The following DRD3 variants were observed in gnomAD, a reference collection of about 807,000 sequenced individuals.
The protein encoded by DRD3 is D(3) dopamine receptor.
DRD3 carries 19 observed loss-of-function variants against 36.3 expected under a neutral mutation model. The ratio of observed to expected loss-of-function variants is 0.52; its 90% CI spans 0.36 to 0.77. DRD3 has a LOEUF of 0.77. DRD3 is among the 30% of genes least tolerant of loss of function. The pLI is 0.00. For missense variants in DRD3, 465 were observed against 505.3 expected, an observed-to-expected ratio of 0.92 and a Z score of 0.77; for synonymous variants, 195 against 203.7, an observed-to-expected ratio of 0.96 and a Z score of 0.36.
At chr3:114,177,087 T>C (rs2077907193) in intron 1 of DRD3, among the ~76,000 whole-genome samples, 1 of 152,174 alleles carries the variant, frequency 6.6e-6, no homozygotes, top group African/African-American at 2.4e-5. Flanking sequence ...GGCAGACAAA[T>C]GTGAAATGGG....
At chr3:114,177,564 G>A (rs767757531) in intron 1 of DRD3, among the ~76,000 whole-genome samples, 6 of 152,118 alleles carry the variant, frequency 3.9e-5, no homozygotes, top group African/African-American at 7.2e-5. Flanking sequence ...AAACTTCAAT[G>A]CATTAGAAAT....
chr3:114,134,215 T>A (rs999688750), intron 5 of DRD3, among the ~76,000 whole-genome samples: 1 of 152,150 alleles, frequency 6.6e-6, no homozygotes, highest in African/African-American at 2.4e-5. Context: ...ATACTCAGAA[T>A]GAATGAATGA....
At chr3:114,196,866 T>A (rs2078037792) in intron 1 of DRD3, among the ~76,000 whole-genome samples, 1 of 152,182 alleles carries the variant, frequency 6.6e-6, no homozygotes, top group African/African-American at 2.4e-5. Flanking sequence ...CCATTATACG[T>A]TCTAAATACA....
chr3:114,142,710 G>T (rs1249407908), intron 4 of DRD3, among the ~76,000 whole-genome samples: 1 of 150,252 alleles, frequency 6.7e-6, no homozygotes, highest in Admixed American at 6.8e-5. Flanking sequence ...TGTTTTATGT[G>T]CAAGCATTTA....
In DRD3 at chr3:114,128,810, C is replaced by T. The variant is rs1577574797; in HGVS notation, c.1109G>A (p.Trp370Ter). ...VSPELYSATTWLGYVNSALNP... is the reference protein window; with the variant it reads ...VSPELYSATT ...GAGGGCGCTATTCACGTAGCCCAGCCATGTCGTGGCACTGTAAAGCTCTGG... is the reference window on the plus strand; with the variant it reads ...GAGGGCGCTATTCACGTAGCCCAGCTATGTCGTGGCACTGTAAAGCTCTGG... The change falls in exon 7 of 7, where the codon TGG (tryptophan) becomes TAG (stop). Residue 370 changes from tryptophan to a stop codon, truncating the protein, a stop_gained. Coordinates refer to ENST00000383673, the MANE Select transcript of DRD3 (RefSeq NM_000796.6). LOFTEE classifies it high-confidence loss of function. The T allele has an allele frequency of 6.2e-7, 1 of 1,613,866 alleles. No individual in the cohort carries two copies. The highest frequency in any genetic ancestry group is 8.5e-7 in the Non-Finnish European group (1 of 1,179,976).
intron 5 of DRD3, among the ~76,000 whole-genome samples, chr3:114,137,768 G>T (rs2107835806): frequency 6.6e-6 from 1 of 151,698 alleles, no homozygotes; most frequent in African/African-American, 2.4e-5. Flanking sequence ...GAAGCGTGCG[G>T]ATCACGAGGT....
chr3:114,178,637 C>T lies in DRD3; in HGVS notation c.-36+20G>A, dbSNP rs917298298. The T allele has an allele frequency of 6.6e-6, 1 of 151,986 alleles. No homozygotes were observed. The highest frequency in any genetic ancestry group is 1.5e-5 in the Non-Finnish European group (1 of 67,978). 9.4% of individuals were successfully genotyped at this position (151,986 alleles called of 1,614,324 possible). A position where few individuals can be genotyped will look rare whatever the true frequency, so the allele number is the denominator to read the frequency against. On this transcript the variant is annotated intron_variant, in intron 1 of 6. Transcript: ENST00000383673. ...AAAATACTATGTCCTAAATTAGAAACGAAAAGAAAAATTACTTACCCTAAA... is the reference window on the plus strand; with the variant it reads ...AAAATACTATGTCCTAAATTAGAAATGAAAAGAAAAATTACTTACCCTAAA...
At chr3:114,181,870 C>G (rs551327634), upstream of DRD3, among the ~76,000 whole-genome samples, 5 of 152,290 alleles carry the variant, frequency 3.3e-5, no homozygotes, top group South Asian at 1.0e-3. Context: ...GAGCACCGAC[C>G]ATTGAGTACA....
intron 1 of DRD3, among the ~76,000 whole-genome samples, chr3:114,173,856 G>T (rs1045450216): frequency 1.3e-5 from 2 of 152,180 alleles, no homozygotes; most frequent in Non-Finnish European, 2.9e-5. Flanking sequence ...CTTGGCAAAA[G>T]TAGAGGCTGA....
At chr3:114,137,997 C>CAAAAAAAA (rs36094182) in intron 5 of DRD3, among the ~76,000 whole-genome samples, 1 of 62,226 alleles carries the variant, frequency 1.6e-5, no homozygotes, top group Non-Finnish European at 2.8e-5. Context: ...GACTCCGTCT[C>CAAAAAAAA]AAAAAAAAAA....
chr3:114,182,617 TTTTCTG>T (rs1409140873), upstream of DRD3, among the ~76,000 whole-genome samples: 5 of 152,098 alleles, frequency 3.3e-5, no homozygotes, highest in Non-Finnish European at 7.4e-5. Context: ...CTTTTTTTCT[TTTTCTG>T]TTTTTTGAGA....
chr3:114,171,382 G>A (rs1046929190), intron 2 of DRD3, among the ~76,000 whole-genome samples: 2 of 151,914 alleles, frequency 1.3e-5, no homozygotes, highest in African/African-American at 4.8e-5. Context: ...AGGTCTTCTG[G>A]ACTGCTTCAC....
intron 1 of DRD3, among the ~76,000 whole-genome samples, chr3:114,187,681 G>T (rs1287223913): frequency 6.6e-6 from 1 of 152,172 alleles, no homozygotes; most frequent in East Asian, 1.9e-4. Flanking sequence ...GGTATCACTA[G>T]AACTCTTGGG....
chr3:114,188,277 G>T (rs2077986758), intron 1 of DRD3, among the ~76,000 whole-genome samples: 1 of 143,504 alleles, frequency 7.0e-6, no homozygotes, highest in African/African-American at 2.6e-5. Context: ...GCAATGGTGA[G>T]ATCTCAGTTC....
intron 5 of DRD3, among the ~76,000 whole-genome samples, chr3:114,138,688 T>C (rs749252200): frequency 1.5e-4 from 23 of 152,272 alleles, no homozygotes; most frequent in Non-Finnish European, 2.2e-4. Context: ...CCAGAGCACT[T>C]CATAATTGAG....
At chr3:114,130,050 C>T (rs2077414989) in intron 6 of DRD3, among the ~76,000 whole-genome samples, 1 of 152,040 alleles carries the variant, frequency 6.6e-6, no homozygotes, top group Non-Finnish European at 1.5e-5. Context: ...GAGTTTGAGA[C>T]CAGCCTGGGC....
At chr3:114,147,357 A>C (rs1235123894) in intron 4 of DRD3, 58 bp downstream of exon 4, 96 of 1,581,974 alleles carry the variant, frequency 6.1e-5, no homozygotes, top group Non-Finnish European at 2.3e-5. Flanking sequence ...ACTCACAGCC[A>C]GTCATTCAGC....
intron 1 of DRD3, among the ~76,000 whole-genome samples, chr3:114,193,716 A>C (rs2078023448): frequency 6.6e-6 from 1 of 152,208 alleles, no homozygotes; most frequent in Admixed American, 6.5e-5. Flanking sequence ...TTGTGCATTT[A>C]ATAATGGGAC....
At chr3:114,137,205 A>G (rs949789847) in intron 5 of DRD3, among the ~76,000 whole-genome samples, 2 of 152,190 alleles carry the variant, frequency 1.3e-5, no homozygotes, top group Non-Finnish European at 2.9e-5. Flanking sequence ...AAGGTCTCTT[A>G]TTCTTTCTCT....
Sources: gnomAD v4.1 joint callset for allele counts (sites outside exome capture counted in the v4.1 genomes callset) on GRCh38, gnomAD v4.1.1 for gene constraint, MANE v1.5 for transcripts, NCBI Gene and HGNC (gene_info 2026-07-23, HGNC 2026-07-21) for gene names.